NXPH1: variants seen among roughly 807,000 people sequenced by gnomAD.
NXPH1 encodes neurexophilin 1, also known as neurexophilin-1.
NXPH1 carries 5 observed loss-of-function variants against 23.7 expected under a neutral mutation model. The ratio of observed to expected loss-of-function variants is 0.21; its 90% confidence interval spans 0.11 to 0.44. The LOEUF is 0.44. Ranked by LOEUF, NXPH1 falls within the 20% of genes least tolerant of loss-of-function variation. The pLI is 0.99. For synonymous variants in NXPH1, 144 were observed against 122.2 expected (o/e 1.18, Z -1.18); for missense variants, 324 against 321.6 (o/e 1.01, Z -0.06).
intron 2 of NXPH1, among the ~76,000 whole-genome samples, chr7:8,687,709 G>A (rs73676114): frequency 0.023 from 3,443 of 152,108 alleles, 52 homozygotes; most frequent in Middle Eastern, 0.044. Context: ...AGATTTTTAC[G>A]GAGCAATATG....
chr7:8,571,322 G>C (rs1233411412), intron 2 of NXPH1, among the ~76,000 whole-genome samples: 2 of 151,832 alleles, frequency 1.3e-5, no homozygotes, highest in African/African-American at 4.8e-5. Flanking sequence ...TATGGTATGG[G>C]GATAGTGGGT....
intron 2 of NXPH1, among the ~76,000 whole-genome samples, chr7:8,681,202 T>A (rs1454944065): frequency 1.3e-5 from 2 of 152,188 alleles, no homozygotes; most frequent in African/African-American, 4.8e-5. Flanking sequence ...TAAAAATCCA[T>A]CCCTTTTACT....
At position 8,561,806 on chromosome 7, in the gene NXPH1, A is replaced by G. The variant is rs10238906; in HGVS notation, c.54+126039A>G. Reference sequence around the variant, plus strand: ...AATTTAGGTATTTACATAAAAAGAGAGTGGTGCCAAAAGAATAAAACTGCA... The same window carrying G: ...AATTTAGGTATTTACATAAAAAGAGGGTGGTGCCAAAAGAATAAAACTGCA... On this transcript the variant is annotated intron_variant, in intron 2 of 2. Coordinates refer to ENST00000405863, the MANE Select transcript of NXPH1 (RefSeq NM_152745.3). Among the ~76,000 whole-genome samples the G allele has an allele frequency of 9.2e-3, 1,398 of 151,816 alleles. 21 individuals are homozygous for G. Among genetic ancestry groups the G allele is most frequent in the African/African-American group, 0.032 (1,347 of 41,496 alleles).
chr7:8,512,463 A>G (rs573956068), intron 2 of NXPH1, among the ~76,000 whole-genome samples: 21 of 152,114 alleles, frequency 1.4e-4, no homozygotes, highest in Non-Finnish European at 3.1e-4. Context: ...GAAGGGGACA[A>G]TACTGTGGCT....
At chr7:8,483,248 C>T (rs1161067989) in intron 2 of NXPH1, among the ~76,000 whole-genome samples, 1 of 152,108 alleles carries the variant, frequency 6.6e-6, no homozygotes, top group African/African-American at 2.4e-5. Flanking sequence ...GTTGTTTGGG[C>T]TCTACATCCA....
intron 2 of NXPH1, among the ~76,000 whole-genome samples, chr7:8,441,363 T>A (rs963920080): frequency 1.3e-5 from 2 of 152,134 alleles, no homozygotes; most frequent in Middle Eastern, 3.2e-3. Context: ...TTTTTCTGGA[T>A]GTCAGCACTA....
intron 2 of NXPH1, among the ~76,000 whole-genome samples, chr7:8,730,961 A>G (rs989497813): frequency 6.7e-6 from 1 of 148,534 alleles, no homozygotes; most frequent in African/African-American, 2.5e-5. Context: ...CATTCTCCCC[A>G]TCACTTTCAG....
chr7:8,518,905 T>C (rs1193343761), intron 2 of NXPH1, among the ~76,000 whole-genome samples: 3 of 152,070 alleles, frequency 2.0e-5, no homozygotes, highest in Non-Finnish European at 4.4e-5. Flanking sequence ...TTCCCCAGCT[T>C]CCCCCATCCC....
intron 2 of NXPH1, among the ~76,000 whole-genome samples, chr7:8,462,319 T>A (rs1015810417): frequency 1.3e-5 from 2 of 152,230 alleles, no homozygotes; most frequent in Admixed American, 6.5e-5. Flanking sequence ...AGTTCTGTCA[T>A]TACAGGCGTG....
intron 2 of NXPH1, among the ~76,000 whole-genome samples, chr7:8,612,448 A>G (rs1190174327): frequency 1.3e-5 from 2 of 151,972 alleles, no homozygotes; most frequent in Non-Finnish European, 2.9e-5. Context: ...GAGACACTTG[A>G]TTAAACTTGA....
intron 2 of NXPH1, among the ~76,000 whole-genome samples, chr7:8,540,185 T>G (rs1424900467): frequency 6.6e-6 from 1 of 151,730 alleles, no homozygotes; most frequent in Non-Finnish European, 1.5e-5. Context: ...TTTCAGAAAT[T>G]AAGTTACTAC....
In NXPH1 at chr7:8,628,925, A is replaced by T. The variant is rs147227539; in HGVS notation, c.55-122083A>T. Among the ~76,000 whole-genome samples the T allele has an allele frequency of 8.8e-4, 133 of 151,358 alleles. 2 individuals carry two copies. Among genetic ancestry groups the T allele is most frequent in the African/African-American group, 3.1e-3 (129 of 41,228 alleles). ...AGATGACGAAAGCCTCATGTATCTC[A>T]CTATCATTAGGCTAATGAGATTGGT... On this transcript the variant is annotated intron_variant, in intron 2 of 2. Coordinates refer to ENST00000405863, the MANE Select transcript of NXPH1 (RefSeq NM_152745.3).
At chr7:8,581,555 C>T (rs1486034494) in intron 2 of NXPH1, among the ~76,000 whole-genome samples, 1 of 152,164 alleles carries the variant, frequency 6.6e-6, no homozygotes, top group Non-Finnish European at 1.5e-5. Context: ...CACCTCTCAC[C>T]AGGCCCCTCC....
chr7:8,498,446 C>T (rs1019923146), intron 2 of NXPH1, among the ~76,000 whole-genome samples: 2 of 151,932 alleles, frequency 1.3e-5, no homozygotes, highest in Non-Finnish European at 2.9e-5. Context: ...TATTTTTTCC[C>T]CCTACTTTTG....
At chr7:8,613,877 T>C (rs983596344) in intron 2 of NXPH1, among the ~76,000 whole-genome samples, 2 of 151,884 alleles carry the variant, frequency 1.3e-5, no homozygotes, top group Non-Finnish European at 2.9e-5. Flanking sequence ...CACATATACA[T>C]ATAAATCACA....
intron 2 of NXPH1, among the ~76,000 whole-genome samples, chr7:8,467,537 A>G (rs1228818411): frequency 6.6e-6 from 1 of 152,200 alleles, no homozygotes. Context: ...TTAACTTTCT[A>G]AAAACATGAG....
chr7:8,721,514 G>T (rs962762618), intron 2 of NXPH1, among the ~76,000 whole-genome samples: 1 of 152,142 alleles, frequency 6.6e-6, no homozygotes, highest in Non-Finnish European at 1.5e-5. Flanking sequence ...TGTGGCTCAC[G>T]CCTGTAATCC....
chr7:8,717,910 A>ACATCTATATG (rs1779904031), intron 2 of NXPH1, among the ~76,000 whole-genome samples: 1 of 151,078 alleles, frequency 6.6e-6, no homozygotes, highest in South Asian at 2.1e-4. Context: ...ATATATATAT[A>ACATCTATATG]TACACAACAT....
intron 2 of NXPH1, among the ~76,000 whole-genome samples, chr7:8,440,387 C>CA (rs778866195): frequency 4.6e-5 from 7 of 152,200 alleles, no homozygotes; most frequent in Admixed American, 6.5e-5. Flanking sequence ...CGGAGAGAAC[C>CA]AGGATTGCTC....
Sources: allele counts gnomAD v4.1 joint callset (sites outside exome capture counted in the v4.1 genomes callset), GRCh38; gene constraint gnomAD v4.1.1; transcripts MANE v1.5; gene names NCBI Gene and HGNC (gene_info 2026-07-23, HGNC 2026-07-21).